Variants in NELFB observed in about 807,000 individuals in gnomAD.
The protein encoded by NELFB is negative elongation factor B.
A neutral mutation model predicts 60.2 loss-of-function variants in NELFB; 34 were observed. The ratio of observed to expected loss-of-function variants is 0.56; its 90% CI spans 0.43 to 0.75. NELFB has a LOEUF of 0.75. NELFB is among the 30% of genes least tolerant of loss of function. The pLI is 0.00. For synonymous variants in NELFB, 459 were observed against 382.1 expected (o/e 1.20, Z -2.35); for missense variants, 770 against 831.6 (o/e 0.93, Z 0.91).
At chr9:137,268,826 T>C (rs556203032) in intron 10 of NELFB, among the ~76,000 whole-genome samples, 1 of 149,798 alleles carries the variant, frequency 6.7e-6, no homozygotes, top group Admixed American at 6.6e-5. Flanking sequence ...CACAGAGAGA[T>C]GAGAGACAGG....
At chr9:137,256,217 T>G (rs997628738) in intron 2 of NELFB, 112 bp from the exon 3 acceptor site, 2 of 1,345,808 alleles carry the variant, frequency 1.5e-6, no homozygotes, top group Admixed American at 3.5e-5. Context: ...CCTTGACCCA[T>G]GTGTCCTGGG....
intron 6 of NELFB, 38 bp downstream of exon 6, chr9:137,264,395 C>A: frequency 6.9e-7 from 1 of 1,451,764 alleles, no homozygotes; most frequent in Non-Finnish European, 9.5e-7. Context: ...CCCCTCAGGG[C>A]CCTGCGTGCA....
intron 8 of NELFB, among the ~76,000 whole-genome samples, chr9:137,266,674 C>T (rs1029189855): frequency 4.6e-5 from 7 of 151,936 alleles, no homozygotes; most frequent in Admixed American, 1.3e-4. Context: ...CTCCGTGGAC[C>T]GTGGCTTGTT....
In NELFB at chr9:137,257,162, G is replaced by A. The variant is rs1837567907; in HGVS notation, c.741+108G>A. On this transcript the variant is annotated intron_variant, in intron 4 of 12. Transcript: ENST00000343053. Reference sequence around the variant, plus strand: ...TCTGCTGCCCTGTGAATGATCGGGTGGTTCTGCTTCTTGGCTGGGTGGTGG... The same window carrying A: ...TCTGCTGCCCTGTGAATGATCGGGTAGTTCTGCTTCTTGGCTGGGTGGTGG... 5.2e-6 allele frequency: 5 copies of A among 969,774 alleles called. No homozygotes were observed. In the African/African-American group the frequency reaches 6.5e-5, roughly 13 times the overall value. 60.1% of individuals were successfully genotyped at this position (969,774 alleles called of 1,614,324 possible).
At chr9:137,263,001 G>C (rs1225660823) in intron 4 of NELFB, 36 bp from the exon 5 acceptor site, 2 of 1,598,798 alleles carry the variant, frequency 1.3e-6, no homozygotes, top group Non-Finnish European at 1.7e-6. Context: ...CGGAGCCCAG[G>C]ACGGTCTGGG....
At chr9:137,266,725 G>C (rs1201875336) in intron 8 of NELFB, among the ~76,000 whole-genome samples, 1 of 152,132 alleles carries the variant, frequency 6.6e-6, no homozygotes, top group African/African-American at 2.4e-5. Flanking sequence ...CACAGGTGGT[G>C]ACTACTCCAT....
intron 10 of NELFB, among the ~76,000 whole-genome samples, chr9:137,271,434 C>T (rs557005056): frequency 9.2e-5 from 14 of 152,380 alleles, no homozygotes; most frequent in African/African-American, 2.4e-4. Flanking sequence ...TGCAGGCGGC[C>T]GCCCTCCCTC....
chr9:137,269,404 G>A lies in NELFB; in HGVS notation c.1489+2058G>A, dbSNP rs1330243723. ...ACATCGTGCTGCCGGCCGCCGGGCA[G>A]AGCCGGTTTGTTTATTTTTTGAGAC... On this transcript the variant is annotated intron_variant, in intron 10 of 12. Coordinates refer to ENST00000343053, the MANE Select transcript of NELFB (RefSeq NM_015456.5). This position sits in a 1 kb window ranked among gnomAD's most constrained non-coding sequence, Gnocchi z 5.3. 6.6e-6 allele frequency among the ~76,000 whole-genome samples: 1 copy of A among 152,214 alleles called. No individual in the cohort carries two copies. Among genetic ancestry groups the A allele is most frequent in the East Asian group, 1.9e-4 (1 of 5,200 alleles).
chr9:137,266,548 C>T (rs1368246621), intron 8 of NELFB, 122 bp downstream of exon 8: 14 of 832,292 alleles, frequency 1.7e-5, no homozygotes, highest in East Asian at 5.3e-5. Context: ...AGCTTCCTTC[C>T]TGGAGCTGCC....
At position 137,263,046 on chromosome 9, in the gene NELFB, C is replaced by T. The variant is rs756036234; in HGVS notation, c.751C>T (p.Arg251Trp). ...GTGCCTCTTGCTGCAGGTGGTGCAG[C>T]GGCTGACGCGGATGGTGGGGAAGAA... The change falls in exon 5 of 13, where the codon CGG (arginine) becomes TGG (tryptophan). Residue 251 changes from arginine (R) to tryptophan (W), a missense_variant. Arg to Trp is a moderately radical substitution (Grantham distance 101). Transcript: ENST00000343053. The T allele has an allele frequency of 6.8e-6, 11 of 1,612,134 alleles. No individual in the cohort carries two copies. The highest frequency in any genetic ancestry group is 4.5e-5 in the East Asian group (2 of 44,818).
intron 6 of NELFB, 74 bp from the exon 7 acceptor site, chr9:137,265,803 C>A: frequency 1.0e-6 from 1 of 982,372 alleles, no homozygotes; most frequent in Non-Finnish European, 1.6e-6. Flanking sequence ...GCCTAGGCCA[C>A]CCCTCCTGAG....
At chr9:137,272,724 CT>C in intron 12 of NELFB, 57 bp from the exon 13 acceptor site, 8 of 1,518,958 alleles carry the variant, frequency 5.3e-6, no homozygotes, top group Non-Finnish European at 7.1e-6. Context: ...GCACCCACCC[CT>C]GTGCCCCCTG....
intron 4 of NELFB, 56 bp from the exon 5 acceptor site, chr9:137,262,981 C>T: frequency 1.3e-6 from 2 of 1,580,016 alleles, no homozygotes; most frequent in Admixed American, 1.7e-5. Flanking sequence ...CGTGACGTCC[C>T]TGTGTCTGGC....
chr9:137,255,745 C>T (rs1233167569), intron 1 of NELFB, 134 bp downstream of exon 1: 5 of 1,429,276 alleles, frequency 3.5e-6, no homozygotes, highest in Non-Finnish European at 4.8e-6. Flanking sequence ...GGGTGGAGTC[C>T]GGAGCCAGCA....
At chr9:137,268,979 C>T (rs1200949094) in intron 10 of NELFB, among the ~76,000 whole-genome samples, 3 of 152,206 alleles carry the variant, frequency 2.0e-5, no homozygotes, top group African/African-American at 7.2e-5. Context: ...TCAGGAGCCA[C>T]TCCTGTGCTA....
chr9:137,266,905 C>G, intron 8 of NELFB, 39 bp from the exon 9 acceptor site: 1 of 1,606,780 alleles, frequency 6.2e-7, no homozygotes, highest in South Asian at 1.1e-5. Flanking sequence ...TGGGGCAGGG[C>G]CCGGGCCCGC....
Position 137,272,855 on chromosome 9 carries a change from G to A in NELFB, c.1814G>A (p.Ser605Asn), listed in dbSNP as rs369871989. Residue 605 changes from serine to asparagine, a missense_variant, in exon 13 of 13, where the codon AGC becomes AAC. Ser to Asn is a conservative substitution (Grantham distance 46). Transcript: ENST00000343053. ...GAACAGCTGGATCACCGGAAGCCCAGCCCGGCACAGGCTGCGGAGACGCCG... is the reference window on the plus strand; with the variant it reads ...GAACAGCTGGATCACCGGAAGCCCAACCCGGCACAGGCTGCGGAGACGCCG... 2.3e-5 allele frequency: 36 copies of A among 1,549,574 alleles called. No individual in the cohort carries two copies. The African/African-American group carries it at 4.9e-4, about 21-fold the overall frequency.
intron 1 of NELFB, 140 bp downstream of exon 1, chr9:137,255,751 C>T: frequency 6.9e-7 from 1 of 1,447,450 alleles, no homozygotes; most frequent in Non-Finnish European, 9.4e-7. Flanking sequence ...AGTCCGGAGC[C>T]AGCACCCCTT....
intron 8 of NELFB, 72 bp downstream of exon 8, chr9:137,266,498 G>A: frequency 1.5e-6 from 2 of 1,331,732 alleles, no homozygotes; most frequent in Non-Finnish European, 2.1e-6. Flanking sequence ...TGGAGGGGGA[G>A]GCGCTAGCAA....
Sources: allele counts gnomAD v4.1 joint callset (sites outside exome capture counted in the v4.1 genomes callset), GRCh38; gene constraint gnomAD v4.1.1; non-coding constraint Gnocchi (gnomAD v3.1); transcripts MANE v1.5; gene names NCBI Gene and HGNC (gene_info 2026-07-23, HGNC 2026-07-21).